Variants in RASEF observed in about 807,000 individuals in gnomAD.
RASEF encodes ras and EF-hand domain-containing protein.
Under a neutral mutation model 90.1 loss-of-function variants are expected in RASEF, and 68 were observed. The observed-to-expected ratio is 0.75, with a 90% CI of 0.62 to 0.92. The LOEUF (loss-of-function observed/expected upper bound fraction) is 0.92. Among genes scored for constraint, RASEF ranks in the 40% least tolerant of loss-of-function variants. The probability of loss-of-function intolerance (pLI) is 0.00; values close to 1 mark genes in which losing one functional copy is unlikely to be tolerated. For missense variants in RASEF, 949 were observed against 937.2 expected (o/e 1.01, Z -0.16); for synonymous variants, 331 against 345.2 (o/e 0.96, Z 0.46).
At chr9:83,009,803 G>T (rs1445802714) in intron 5 of RASEF, 47 bp from the exon 6 acceptor site, 6 of 1,203,374 alleles carry the variant, frequency 5.0e-6, no homozygotes, top group Non-Finnish European at 7.4e-6. Context: ...ATTTTCCTCT[G>T]CCTGGGAGAA....
At chr9:83,199,930 G>A in the RASEF span, among the ~76,000 whole-genome samples, 173 of 152,274 alleles carry the variant, frequency 1.1e-3, no homozygotes, top group African/African-American at 4.0e-3. Flanking sequence ...GCACACCATG[G>A]AGCATGATGC....
At chr9:83,127,028 T>C in the RASEF span, among the ~76,000 whole-genome samples, 6 of 152,178 alleles carry the variant, frequency 3.9e-5, no homozygotes, top group Admixed American at 2.0e-4. Context: ...GAATAAAATA[T>C]AATACATAAA....
chr9:83,183,342 C>A, the RASEF span, among the ~76,000 whole-genome samples: 1 of 151,824 alleles, frequency 6.6e-6, no homozygotes, highest in Non-Finnish European at 1.5e-5. Flanking sequence ...TATGGCCAAG[C>A]AGTTACAATT....
the RASEF span, among the ~76,000 whole-genome samples, chr9:83,083,297 T>C: frequency 2.6e-5 from 4 of 152,282 alleles, no homozygotes; most frequent in South Asian, 8.3e-4. Context: ...GTCTTATATA[T>C]TATCTTTAAG....
chr9:83,158,872 A>C, the RASEF span, among the ~76,000 whole-genome samples: 1 of 151,786 alleles, frequency 6.6e-6, no homozygotes, highest in Non-Finnish European at 1.5e-5. Context: ...TAAATTACAA[A>C]GTTATGCTTG....
At chr9:83,010,443 T>C (rs1195055728) in intron 5 of RASEF, among the ~76,000 whole-genome samples, 2 of 152,142 alleles carry the variant, frequency 1.3e-5, no homozygotes, top group South Asian at 2.1e-4. Context: ...GGAAATGTGT[T>C]GCCAAAGGGA....
At chr9:83,170,507 T>G in the RASEF span, among the ~76,000 whole-genome samples, 1 of 151,920 alleles carries the variant, frequency 6.6e-6, no homozygotes, top group Non-Finnish European at 1.5e-5. Context: ...ATATATCTCT[T>G]TGTGTAGTAT....
At chr9:83,172,005 T>G in the RASEF span, among the ~76,000 whole-genome samples, 2 of 151,932 alleles carry the variant, frequency 1.3e-5, no homozygotes, top group African/African-American at 4.8e-5. Flanking sequence ...ATCGTTAGGT[T>G]GTTTATTTGA....
the RASEF span, among the ~76,000 whole-genome samples, chr9:83,115,965 T>A: frequency 1.7e-4 from 26 of 152,220 alleles, no homozygotes; most frequent in Non-Finnish European, 2.9e-4. Flanking sequence ...AGTAACAGTT[T>A]TAACAAAGAA....
At chr9:83,049,529 C>CTTTTTTTTTTTTTTTTT (rs10687615) in intron 1 of RASEF, among the ~76,000 whole-genome samples, 10 of 99,076 alleles carry the variant, frequency 1.0e-4, no homozygotes, top group Non-Finnish European at 1.3e-4. Flanking sequence ...TTCTGCCTTC[C>CTTTTTTTTTTTTTTTTT]TTTTTTTTTT....
chr9:83,183,920 G>C, the RASEF span, among the ~76,000 whole-genome samples: 2 of 152,184 alleles, frequency 1.3e-5, no homozygotes, highest in African/African-American at 4.8e-5. Flanking sequence ...GAATCACCTG[G>C]AGGGTTTGTT....
chr9:83,162,283 T>C, the RASEF span, among the ~76,000 whole-genome samples: 1 of 152,136 alleles, frequency 6.6e-6, no homozygotes, highest in Non-Finnish European at 1.5e-5. Context: ...AAATGAAGCT[T>C]TGAAGAAGAT....
At chr9:83,146,557 T>G in the RASEF span, among the ~76,000 whole-genome samples, 2 of 152,194 alleles carry the variant, frequency 1.3e-5, no homozygotes, top group African/African-American at 4.8e-5. Context: ...GCCTCTGCCC[T>G]CCTAAATTGT....
the RASEF span, among the ~76,000 whole-genome samples, chr9:83,089,943 TAG>T: frequency 5.3e-5 from 8 of 150,440 alleles, no homozygotes; most frequent in African/African-American, 1.7e-4. Context: ...GATAGATAGA[TAG>T]ATATAGATAT....
the RASEF span, among the ~76,000 whole-genome samples, chr9:83,181,693 C>T: frequency 6.6e-6 from 1 of 152,110 alleles, no homozygotes; most frequent in Non-Finnish European, 1.5e-5. Context: ...TTCCCCTTTG[C>T]CTTTATCTTT....
chr9:83,158,740 A>G, the RASEF span, among the ~76,000 whole-genome samples: 1 of 149,300 alleles, frequency 6.7e-6, no homozygotes. Context: ...TTATGTACAT[A>G]TACATATATG....
chr9:82,987,505 C>G (rs770772597), intron 16 of RASEF, among the ~76,000 whole-genome samples: 1 of 152,136 alleles, frequency 6.6e-6, no homozygotes, highest in African/African-American at 2.4e-5. Flanking sequence ...AAGCTAGTGT[C>G]GAAGCTTCAT....
the RASEF span, among the ~76,000 whole-genome samples, chr9:83,112,345 T>C: frequency 2.0e-5 from 3 of 152,206 alleles, no homozygotes; most frequent in Admixed American, 6.5e-5. Context: ...ACCATACAAA[T>C]ATCCGTTAGT....
At chr9:82,985,673 A>G (rs1828697956) in intron 16 of RASEF, among the ~76,000 whole-genome samples, 1 of 152,186 alleles carries the variant, frequency 6.6e-6, no homozygotes, top group South Asian at 2.1e-4. Context: ...TGAGGCAGAA[A>G]TTCTTGCACT....
Sources: gnomAD v4.1 joint callset for allele counts (sites outside exome capture counted in the v4.1 genomes callset) on GRCh38, gnomAD v4.1.1 for gene constraint, MANE v1.5 for transcripts, NCBI Gene and HGNC (gene_info 2026-07-23, HGNC 2026-07-21) for gene names.